The following LUZP2 variants were observed in gnomAD, a reference collection of about 807,000 sequenced individuals.
The protein encoded by LUZP2 is leucine zipper protein 2.
Under a neutral mutation model 51.6 loss-of-function variants are expected in LUZP2, and 52 were observed. The ratio of observed to expected loss-of-function variants is 1.01; its 90% CI spans 0.81 to 1.27. The LOEUF is 1.27. Ranked by LOEUF, LUZP2 falls within the 50% of genes most tolerant of loss-of-function variation. LUZP2 has a pLI of 0.00. For missense variants in LUZP2, 436 were observed against 395.4 expected (o/e 1.10, Z -0.87); for synonymous variants, 154 against 137.3 (o/e 1.12, Z -0.85).
intron 9 of LUZP2, among the ~76,000 whole-genome samples, chr11:25,040,589 C>A (rs750938731): frequency 6.6e-6 from 1 of 151,922 alleles, no homozygotes; most frequent in African/African-American, 2.4e-5. Flanking sequence ...ACTCAGTGGA[C>A]CTCTCAGTCT....
intron 5 of LUZP2, chr11:24,786,501 A>G: frequency 1.0e-6 from 1 of 964,452 alleles, no homozygotes; most frequent in Non-Finnish European, 1.2e-6. Context: ...CCTAATGTGA[A>G]GAATAAAATA....
chr11:24,939,052 G>A (rs1440621268), intron 7 of LUZP2, among the ~76,000 whole-genome samples: 3 of 151,656 alleles, frequency 2.0e-5, no homozygotes, highest in Non-Finnish European at 4.4e-5. Context: ...GATTTGAAAG[G>A]ATTTTTCTCT....
At chr11:24,572,009 A>T (rs999418168) in intron 1 of LUZP2, among the ~76,000 whole-genome samples, 22 of 151,952 alleles carry the variant, frequency 1.4e-4, no homozygotes, top group Non-Finnish European at 7.4e-5. Context: ...AATTATGTAC[A>T]TTTTCACTCT....
At chr11:24,609,072 A>G (rs1223663828) in intron 1 of LUZP2, among the ~76,000 whole-genome samples, 1 of 152,126 alleles carries the variant, frequency 6.6e-6, no homozygotes, top group Non-Finnish European at 1.5e-5. Context: ...CTAACATTCT[A>G]CCCAGCCTGG....
chr11:24,653,473 A>G (rs757195663), intron 1 of LUZP2, among the ~76,000 whole-genome samples: 1 of 152,164 alleles, frequency 6.6e-6, no homozygotes, highest in Non-Finnish European at 1.5e-5. Flanking sequence ...TTGTATGTCT[A>G]TAGCACATCC....
At chr11:24,712,328 T>A (rs1316597016) in intron 1 of LUZP2, among the ~76,000 whole-genome samples, 1 of 151,886 alleles carries the variant, frequency 6.6e-6, no homozygotes, top group Non-Finnish European at 1.5e-5. Context: ...GGCTAAGGCA[T>A]GAGGACAGCT....
chr11:25,062,428 T>TAA (rs367774912), intron 10 of LUZP2, among the ~76,000 whole-genome samples: 48,975 of 144,152 alleles, frequency 0.34, 10,638 homozygotes, highest in East Asian at 0.75. Flanking sequence ...CTATAAAGAA[T>TAA]AAAAAAATAT....
intron 9 of LUZP2, among the ~76,000 whole-genome samples, chr11:25,019,437 A>T (rs1355000014): frequency 1.3e-5 from 2 of 152,132 alleles, no homozygotes; most frequent in African/African-American, 4.8e-5. Flanking sequence ...GAACTATATC[A>T]TATACCATTG....
chr11:24,604,156 T>A (rs188432516), intron 1 of LUZP2, among the ~76,000 whole-genome samples: 1 of 151,976 alleles, frequency 6.6e-6, no homozygotes, highest in Non-Finnish European at 1.5e-5. Flanking sequence ...TCTGTGTTAT[T>A]TTGTATTTTC....
chr11:24,787,465 T>C (rs1399081298), intron 5 of LUZP2, among the ~76,000 whole-genome samples: 2 of 152,304 alleles, frequency 1.3e-5, no homozygotes, highest in East Asian at 3.9e-4. Flanking sequence ...TAATTATTAT[T>C]ATCATTGGTA....
chr11:24,634,025 A>G (rs117746134), intron 1 of LUZP2, among the ~76,000 whole-genome samples: 198 of 151,940 alleles, frequency 1.3e-3, no homozygotes, highest in Admixed American at 3.5e-3. Context: ...ATTAAAGCAA[A>G]TAAATGAAGA....
chr11:24,704,332 A>G (rs991217334), intron 1 of LUZP2, among the ~76,000 whole-genome samples: 5 of 152,140 alleles, frequency 3.3e-5, no homozygotes, highest in Non-Finnish European at 7.4e-5. Context: ...TCTCTTTTCT[A>G]CAAATTAAAA....
At chr11:24,796,477 A>G (rs556553093) in intron 5 of LUZP2, among the ~76,000 whole-genome samples, 28 of 139,408 alleles carry the variant, frequency 2.0e-4, no homozygotes, top group Middle Eastern at 3.7e-3. Context: ...ATAATTTTGT[A>G]TGGTAATAAT....
At chr11:24,844,923 G>T (rs1851151183) in intron 5 of LUZP2, among the ~76,000 whole-genome samples, 1 of 152,256 alleles carries the variant, frequency 6.6e-6, no homozygotes, top group Non-Finnish European at 1.5e-5. Context: ...CCAGGTGGAA[G>T]TTTGCTGCAG....
At chr11:25,054,971 A>G (rs1858634358) in intron 10 of LUZP2, among the ~76,000 whole-genome samples, 1 of 146,272 alleles carries the variant, frequency 6.8e-6, no homozygotes, top group Non-Finnish European at 1.5e-5. Context: ...ATCCATAAAC[A>G]TGGAATGTCT....
chr11:24,719,621 A>G (rs567917108), intron 1 of LUZP2, among the ~76,000 whole-genome samples: 16 of 152,314 alleles, frequency 1.1e-4, no homozygotes, highest in African/African-American at 3.6e-4. Context: ...GCCCGTAACT[A>G]TTCTCCTTAT....
chr11:24,792,346 G>A (rs1382111048), intron 5 of LUZP2, among the ~76,000 whole-genome samples: 1 of 151,698 alleles, frequency 6.6e-6, no homozygotes, highest in Admixed American at 6.6e-5. Flanking sequence ...GGAATCTCTT[G>A]AACCTGGGAG....
intron 1 of LUZP2, among the ~76,000 whole-genome samples, chr11:24,528,855 T>G (rs546922797): frequency 6.6e-6 from 1 of 151,348 alleles, no homozygotes; most frequent in Non-Finnish European, 1.5e-5. Flanking sequence ...TTGCTATCAG[T>G]ATAAAATCCT....
At chr11:24,965,793 G>A (rs1855566067) in intron 7 of LUZP2, among the ~76,000 whole-genome samples, 1 of 151,722 alleles carries the variant, frequency 6.6e-6, no homozygotes, top group Non-Finnish European at 1.5e-5. Flanking sequence ...AAAATCACAT[G>A]TTGTTTTGTC....
Sources: gnomAD v4.1 joint callset for allele counts (sites outside exome capture counted in the v4.1 genomes callset) on GRCh38, gnomAD v4.1.1 for gene constraint, MANE v1.5 for transcripts, NCBI Gene and HGNC (gene_info 2026-07-23, HGNC 2026-07-21) for gene names.